The following CFAP44 variants were observed in gnomAD, a reference collection of about 807,000 sequenced individuals.
CFAP44 encodes the protein cilia and flagella associated protein 44.
Under a neutral mutation model 216.2 loss-of-function variants are expected in CFAP44, and 134 were observed. That is an observed-to-expected ratio of 0.62 (90% confidence interval 0.54 to 0.72). CFAP44 has a LOEUF of 0.72. CFAP44 is among the 30% of genes least tolerant of loss of function. CFAP44 has a pLI of 0.00. For missense variants in CFAP44, 2,035 were observed against 2,182.1 expected, an observed-to-expected ratio of 0.93 and a Z score of 1.34; for synonymous variants, 700 against 727.6, an observed-to-expected ratio of 0.96 and a Z score of 0.61.
At chr3:113,441,415 G>A in intron 1 of CFAP44, 38 bp downstream of exon 1, 1 of 985,924 alleles carries the variant, frequency 1.0e-6, no homozygotes, top group Non-Finnish European at 1.2e-6. Context: ...TTAAGGGGGA[G>A]GGTGTGGAAA....
chr3:113,357,610 G>T (rs1161113906), intron 22 of CFAP44, among the ~76,000 whole-genome samples: 1 of 152,138 alleles, frequency 6.6e-6, no homozygotes, highest in African/African-American at 2.4e-5. Context: ...TGGACTTCTA[G>T]CCTCCAGAAC....
intron 18 of CFAP44, among the ~76,000 whole-genome samples, chr3:113,371,604 TA>T (rs1224066492): frequency 1.3e-5 from 2 of 152,182 alleles, no homozygotes; most frequent in Non-Finnish European, 2.9e-5. Context: ...GACTTAAATG[TA>T]AGACCTAAAG....
chr3:113,330,209 C>T lies in CFAP44; in HGVS notation c.4075G>A (p.Glu1359Lys). The change falls in exon 26 of 35, where the codon GAG becomes AAG. Residue 1359 changes from glutamate to lysine, a missense_variant. Glu to Lys is a moderately conservative substitution (Grantham distance 56). This residue lies in a region of CFAP44 where 1,883 missense variants were observed against 2,023.7 expected (regional missense o/e 0.93). Coordinates refer to ENST00000393845, the MANE Select transcript of CFAP44 (RefSeq NM_001164496.2). ...DVELEIMKRD[E>K]IKHVYMQQYL... Reference sequence around the variant, plus strand: ...TGTTGCATGTACACGTGTTTAATCTCGTCTCTCTTCATAATTTCCAGCTCC... The same window carrying T: ...TGTTGCATGTACACGTGTTTAATCTTGTCTCTCTTCATAATTTCCAGCTCC... The T allele has an allele frequency of 1.3e-6, 2 of 1,537,366 alleles. No individual in the cohort carries two copies. The highest frequency in any genetic ancestry group is 2.4e-5 in the East Asian group (1 of 40,928).
At chr3:113,440,854 A>C (rs1935344620) in intron 1 of CFAP44, among the ~76,000 whole-genome samples, 1 of 152,134 alleles carries the variant, frequency 6.6e-6, no homozygotes, top group African/African-American at 2.4e-5. Context: ...CTCCTCTCAA[A>C]GATTTTCATC....
chr3:113,437,792 TTTTGTTTG>T (rs138305977), intron 1 of CFAP44, among the ~76,000 whole-genome samples: 2 of 151,914 alleles, frequency 1.3e-5, no homozygotes, highest in African/African-American at 2.4e-5. Context: ...TTTTTTGGGG[TTTTGTTTG>T]TTTGTTTGTT....
At chr3:113,392,988 C>A (rs542098088) in intron 15 of CFAP44, among the ~76,000 whole-genome samples, 5 of 152,322 alleles carry the variant, frequency 3.3e-5, no homozygotes, top group East Asian at 3.9e-4. Flanking sequence ...CTTGTATCTT[C>A]TCCACACTGC....
chr3:113,397,975 A>G (rs144850021), intron 13 of CFAP44, among the ~76,000 whole-genome samples: 253 of 152,304 alleles, frequency 1.7e-3, no homozygotes, highest in African/African-American at 5.8e-3. Context: ...AAACCTACCA[A>G]TGTTGGAATG....
Position 113,305,077 on chromosome 3 carries a change from G to A in CFAP44, c.4834C>T (p.Leu1612=). 1 of 1,537,248 alleles carries A rather than the reference G, an allele frequency of 6.5e-7. No individual in the cohort carries two copies. The highest frequency in any genetic ancestry group is 8.7e-7 in the Non-Finnish European group (1 of 1,146,904). The change falls in exon 31 of 35, where the codon CTG becomes TTG. Residue 1612 remains leucine (L), a synonymous_variant. Coordinates refer to ENST00000393845, the MANE Select transcript of CFAP44 (RefSeq NM_001164496.2). The stretch of plus-strand genomic sequence containing the variant: ...GGAATCACAACTAGCAGTTCATTCA[G>A]CCGCTGCTGCTTCTCTCGCTGATAA... The part of the protein sequence containing the change: ...EAYQREKQQR[L]NELLVVIPLK...
At chr3:113,327,951 T>C (rs1576549908) in intron 26 of CFAP44, 132 bp from the exon 27 acceptor site, 2 of 744,468 alleles carry the variant, frequency 2.7e-6, no homozygotes. Flanking sequence ...TGTGTGTGTG[T>C]ATAGTCACAA....
At chr3:113,373,672 TACTTCTACATA>T in intron 17 of CFAP44, 116 bp from the exon 18 acceptor site, 1 of 817,624 alleles carries the variant, frequency 1.2e-6, no homozygotes, top group Non-Finnish European at 1.7e-6. Context: ...TTCAAACATC[TACTTCTACATA>T]ATTTCTATGA....
At chr3:113,381,905 T>C (rs930927633) in intron 15 of CFAP44, among the ~76,000 whole-genome samples, 6 of 152,320 alleles carry the variant, frequency 3.9e-5, no homozygotes, top group African/African-American at 1.4e-4. Context: ...AAATTGTAAT[T>C]GCAGAAGTCC....
intron 13 of CFAP44, among the ~76,000 whole-genome samples, chr3:113,397,497 T>C (rs1203194364): frequency 6.6e-6 from 1 of 152,152 alleles, no homozygotes; most frequent in Non-Finnish European, 1.5e-5. Context: ...GGTAGTGACA[T>C]GGTCAGATTT....
At chr3:113,433,808 C>CCA in intron 1 of CFAP44, 139 bp from the exon 2 acceptor site, 1 of 652,156 alleles carries the variant, frequency 1.5e-6, no homozygotes, top group Non-Finnish European at 2.7e-6. Flanking sequence ...GGATGACCCA[C>CCA]CAGTAGGAGG....
chr3:113,351,932 G>A (rs529550966), intron 22 of CFAP44, among the ~76,000 whole-genome samples: 2 of 152,208 alleles, frequency 1.3e-5, no homozygotes, highest in Admixed American at 6.5e-5. Flanking sequence ...CTGGCCCTTC[G>A]GCTGACCTAG....
At chr3:113,309,917 AG>A (rs1303353774) in intron 28 of CFAP44, among the ~76,000 whole-genome samples, 1 of 152,198 alleles carries the variant, frequency 6.6e-6, no homozygotes, top group Non-Finnish European at 1.5e-5. Context: ...CTCTAGCCAA[AG>A]GACCAGGGAA....
Position 113,373,422 on chromosome 3 carries a change from A to G in CFAP44, c.2433T>C (p.Thr811=). ...LADTEDNPIQ[T]ITFNINKVMM... is the part of the protein sequence containing the mutation. Reference sequence around the variant, plus strand: ...GAAATACTGCTCACTTGAAAGTGATAGTTTGGATGGGATTGTCCTCTGTAT... The same window carrying G: ...GAAATACTGCTCACTTGAAAGTGATGGTTTGGATGGGATTGTCCTCTGTAT... The change falls in exon 18 of 35, where the codon ACT becomes ACC. Residue 811 remains threonine, a synonymous_variant. Coordinates refer to ENST00000393845, the MANE Select transcript of CFAP44 (RefSeq NM_001164496.2). The G allele has an allele frequency of 6.4e-7, 1 of 1,570,986 alleles. No individual in the cohort carries two copies. Among genetic ancestry groups the G allele is most frequent in the Non-Finnish European group, 8.6e-7 (1 of 1,157,350 alleles).
At chr3:113,435,335 CCTCTTTTCTTCA>C (rs554893691) in intron 1 of CFAP44, among the ~76,000 whole-genome samples, 12,812 of 152,094 alleles carry the variant, frequency 0.084, 764 homozygotes, top group Middle Eastern at 0.22. Context: ...GAAGCAAACA[CCTCTTTTCTTCA>C]CATGGTGACA....
chr3:113,391,367 A>G (rs1194530608), intron 15 of CFAP44, among the ~76,000 whole-genome samples: 1 of 152,154 alleles, frequency 6.6e-6, no homozygotes, highest in Non-Finnish European at 1.5e-5. Flanking sequence ...CTTAAACTTA[A>G]GACCTCAAAA....
chr3:113,334,373 C>T (rs1372794821), intron 24 of CFAP44, among the ~76,000 whole-genome samples: 1 of 151,938 alleles, frequency 6.6e-6, no homozygotes, highest in Non-Finnish European at 1.5e-5. Context: ...CTGAAAATGA[C>T]AATATAGAAG....
Sources: allele counts gnomAD v4.1 joint callset (sites outside exome capture counted in the v4.1 genomes callset), GRCh38; gene constraint gnomAD v4.1.1; regional missense constraint gnomAD v4.1.1; transcripts MANE v1.5; gene names NCBI Gene and HGNC (gene_info 2026-07-23, HGNC 2026-07-21).